Variants in PPP2R2B observed in about 807,000 individuals in gnomAD.
PPP2R2B encodes the protein serine/threonine-protein phosphatase 2A 55 kDa regulatory subunit B beta isoform.
Under a neutral mutation model 46.0 loss-of-function variants are expected in PPP2R2B, and 5 were observed. That is an observed-to-expected ratio of 0.11 (90% CI 0.06 to 0.23). The LOEUF is 0.23. Ranked by LOEUF, PPP2R2B falls within the 10% of genes least tolerant of loss-of-function variation. PPP2R2B has a pLI of 1.00. For missense variants in PPP2R2B, 367 were observed against 575.0 expected (o/e 0.64, Z 3.70); for synonymous variants, 215 against 206.7 (o/e 1.04, Z -0.34).
chr5:146,728,893 T>C (rs1752049804), intron 2 of PPP2R2B, among the ~76,000 whole-genome samples: 1 of 152,172 alleles, frequency 6.6e-6, no homozygotes, highest in African/African-American at 2.4e-5. Flanking sequence ...CAGTCTCAGG[T>C]ATGTCTTTAT....
intron 2 of PPP2R2B, among the ~76,000 whole-genome samples, chr5:146,709,293 T>G (rs964559605): frequency 6.6e-6 from 1 of 152,202 alleles, no homozygotes; most frequent in Admixed American, 6.5e-5. Flanking sequence ...AAATGGGCAC[T>G]GCTTAAATGT....
At chr5:146,871,713 T>G (rs915903478) in intron 2 of PPP2R2B, among the ~76,000 whole-genome samples, 2 of 152,124 alleles carry the variant, frequency 1.3e-5, no homozygotes, top group Admixed American at 1.3e-4. Context: ...AACTTGCATT[T>G]CTCCAAAAGA....
intron 2 of PPP2R2B, among the ~76,000 whole-genome samples, chr5:146,855,506 T>A (rs912667163): frequency 2.0e-5 from 3 of 152,024 alleles, no homozygotes; most frequent in Non-Finnish European, 4.4e-5. Flanking sequence ...CATACACACA[T>A]ACCTGCTTTT....
intron 1 of PPP2R2B, among the ~76,000 whole-genome samples, chr5:146,915,457 C>T (rs1385770896): frequency 6.8e-6 from 1 of 146,814 alleles, no homozygotes; most frequent in Non-Finnish European, 1.5e-5. Flanking sequence ...TACACACACA[C>T]ACACACACAC....
intron 1 of PPP2R2B, among the ~76,000 whole-genome samples, chr5:146,919,056 A>C (rs1433324641): frequency 1.9e-4 from 29 of 152,320 alleles, no homozygotes; most frequent in Middle Eastern, 3.4e-3. Context: ...CCTATATATG[A>C]AAGTTCCCAT....
At chr5:146,863,122 G>A (rs1441722139) in intron 2 of PPP2R2B, among the ~76,000 whole-genome samples, 2 of 151,854 alleles carry the variant, frequency 1.3e-5, no homozygotes, top group Non-Finnish European at 2.9e-5. Context: ...AGGGGTCAGA[G>A]AACCTACAGA....
At chr5:146,723,147 T>C (rs1751629984) in intron 2 of PPP2R2B, among the ~76,000 whole-genome samples, 1 of 152,196 alleles carries the variant, frequency 6.6e-6, no homozygotes, top group South Asian at 2.1e-4. Context: ...GCCTCCTCAT[T>C]GAGAGAGCAT....
chr5:146,833,176 T>C (rs2151355127), intron 2 of PPP2R2B, among the ~76,000 whole-genome samples: 1 of 152,268 alleles, frequency 6.6e-6, no homozygotes, highest in Non-Finnish European at 1.5e-5. Context: ...CACTTCAAAA[T>C]GCCTTTAATG....
chr5:146,699,078 T>C (rs1417200643), intron 3 of PPP2R2B, among the ~76,000 whole-genome samples: 4 of 152,206 alleles, frequency 2.6e-5, no homozygotes, highest in Non-Finnish European at 5.9e-5. Flanking sequence ...AAGCAGGCTT[T>C]GAAAAACTCA....
chr5:146,740,573 TCACACACACACACACACA>T (rs3995489), intron 2 of PPP2R2B, among the ~76,000 whole-genome samples: 152 of 138,106 alleles, frequency 1.1e-3, no homozygotes, highest in Non-Finnish European at 1.5e-3. Flanking sequence ...TAAAATGAGA[TCACACACACACACACACA>T]CACACACACA....
chr5:146,699,397 A>G (rs1442776735), intron 3 of PPP2R2B, among the ~76,000 whole-genome samples: 9 of 152,178 alleles, frequency 5.9e-5, no homozygotes, highest in African/African-American at 2.2e-4. Flanking sequence ...CTGGCCACAA[A>G]GCTTAACGCT....
At chr5:146,817,572 T>C (rs2151328705) in intron 2 of PPP2R2B, among the ~76,000 whole-genome samples, 1 of 152,342 alleles carries the variant, frequency 6.6e-6, no homozygotes, top group East Asian at 1.9e-4. Flanking sequence ...ATGTAGATCC[T>C]GGAACAGGAT....
At chr5:146,781,173 T>TATAA (rs1311674960) in intron 2 of PPP2R2B, among the ~76,000 whole-genome samples, 1 of 116,940 alleles carries the variant, frequency 8.6e-6, no homozygotes, top group Non-Finnish European at 1.8e-5. Flanking sequence ...TATATATATA[T>TATAA]ATAAAATTAT....
chr5:146,993,426 G>C (rs902439536), intron 1 of PPP2R2B, among the ~76,000 whole-genome samples: 7 of 151,054 alleles, frequency 4.6e-5, no homozygotes, highest in Admixed American at 4.6e-4. Flanking sequence ...ATTTTTAATA[G>C]AGATGGGGTT....
At chr5:146,788,474 C>T (rs1755986102) in intron 2 of PPP2R2B, among the ~76,000 whole-genome samples, 1 of 151,996 alleles carries the variant, frequency 6.6e-6, no homozygotes, top group Admixed American at 6.6e-5. Context: ...GTGGCTCACG[C>T]CTCCCAGCAC....
chr5:146,977,049 C>CA (rs34896382), intron 1 of PPP2R2B, among the ~76,000 whole-genome samples: 72,623 of 151,736 alleles, frequency 0.48, 18,767 homozygotes, highest in Middle Eastern at 0.6. Flanking sequence ...CCAAACAAAA[C>CA]AAAAAAACAA....
intron 2 of PPP2R2B, among the ~76,000 whole-genome samples, chr5:146,753,872 C>A (rs920883536): frequency 6.6e-6 from 1 of 151,984 alleles, no homozygotes; most frequent in African/African-American, 2.4e-5. Flanking sequence ...TCTCCAGGGG[C>A]AACTTGTACC....
intron 1 of PPP2R2B, among the ~76,000 whole-genome samples, chr5:146,888,292 A>G (rs1762391856): frequency 6.6e-6 from 1 of 151,980 alleles, no homozygotes; most frequent in Non-Finnish European, 1.5e-5. Flanking sequence ...AGGCATCTCA[A>G]TCCCTAATTC....
chr5:146,658,430 G>A (rs1043494037), intron 5 of PPP2R2B, among the ~76,000 whole-genome samples: 2 of 152,174 alleles, frequency 1.3e-5, no homozygotes, highest in African/African-American at 2.4e-5. Flanking sequence ...TTTCAAGGAA[G>A]AGGGAGTAAG....
Sources: allele counts gnomAD v4.1 joint callset (sites outside exome capture counted in the v4.1 genomes callset), GRCh38; gene constraint gnomAD v4.1.1; transcripts MANE v1.5; gene names NCBI Gene and HGNC (gene_info 2026-07-23, HGNC 2026-07-21).